The following MARCHF1 variants were observed in gnomAD, a reference collection of about 807,000 sequenced individuals.
MARCHF1 encodes membrane associated ring-CH-type finger 1, also known as E3 ubiquitin-protein ligase MARCHF1.
Under a neutral mutation model 54.2 loss-of-function variants are expected in MARCHF1, and 40 were observed. The ratio of observed to expected loss-of-function variants is 0.74; its 90% CI spans 0.57 to 0.96. The LOEUF is 0.96. Ranked by LOEUF, MARCHF1 falls within the 40% of genes least tolerant of loss-of-function variation. The pLI is 0.00. For synonymous variants in MARCHF1, 236 were observed against 236.3 expected (o/e 1.00, Z 0.01); for missense variants, 586 against 656.5 (o/e 0.89, Z 1.17).
intron 4 of MARCHF1, among the ~76,000 whole-genome samples, chr4:163,738,857 T>C (rs924848397): frequency 1.1e-4 from 17 of 152,176 alleles, no homozygotes; most frequent in African/African-American, 3.9e-4. Context: ...ATCATAAATA[T>C]CCTAAATTCT....
chr4:164,008,170 G>C (rs1753337759), intron 2 of MARCHF1, among the ~76,000 whole-genome samples: 1 of 152,086 alleles, frequency 6.6e-6, no homozygotes, highest in South Asian at 2.1e-4. Flanking sequence ...AACCAATAAA[G>C]AGCAGAAGTA....
At chr4:164,374,368 G>T (rs1309513294) in intron 1 of MARCHF1, among the ~76,000 whole-genome samples, 1 of 151,768 alleles carries the variant, frequency 6.6e-6, no homozygotes, top group Non-Finnish European at 1.5e-5. Context: ...TTAAAAAGTG[G>T]GACAAAAAGC....
intron 2 of MARCHF1, among the ~76,000 whole-genome samples, chr4:164,069,220 G>A (rs1357451469): frequency 3.3e-5 from 5 of 152,212 alleles, no homozygotes; most frequent in African/African-American, 1.2e-4. Flanking sequence ...CTGTCAAAAC[G>A]GACCAATCAG....
intron 2 of MARCHF1, among the ~76,000 whole-genome samples, chr4:164,035,710 G>T (rs1753979680): frequency 1.3e-5 from 2 of 151,014 alleles, no homozygotes. Flanking sequence ...TAAGGGTACT[G>T]AAATCAAATG....
At chr4:163,896,835 G>T (rs759232665) in intron 3 of MARCHF1, among the ~76,000 whole-genome samples, 1 of 152,048 alleles carries the variant, frequency 6.6e-6, no homozygotes. Flanking sequence ...AGTCATCCAT[G>T]CTCCTCAATG....
intron 1 of MARCHF1, among the ~76,000 whole-genome samples, chr4:164,333,336 TA>T (rs1339645207): frequency 1.3e-5 from 2 of 152,210 alleles, no homozygotes; most frequent in African/African-American, 4.8e-5. Context: ...TTTTACAGAT[TA>T]AAAGTCTGTG....
intron 1 of MARCHF1, among the ~76,000 whole-genome samples, chr4:164,287,428 G>A (rs896801592): frequency 6.6e-6 from 1 of 152,110 alleles, no homozygotes; most frequent in Admixed American, 6.6e-5. Flanking sequence ...GTAAGACATC[G>A]CTCAGTTTCA....
At chr4:163,840,901 A>T (rs143413211) in intron 4 of MARCHF1, among the ~76,000 whole-genome samples, 1 of 152,134 alleles carries the variant, frequency 6.6e-6, no homozygotes, top group African/African-American at 2.4e-5. Context: ...ATACAACTTA[A>T]ATGGGCATAT....
At chr4:163,839,500 A>G (rs970785092) in intron 4 of MARCHF1, among the ~76,000 whole-genome samples, 32 of 152,188 alleles carry the variant, frequency 2.1e-4, no homozygotes, top group African/African-American at 7.0e-4. Context: ...AATAGGTTGT[A>G]TTCATACAAC....
At chr4:163,863,777 GGTAGGA>G (rs1579350289) in intron 3 of MARCHF1, among the ~76,000 whole-genome samples, 1 of 151,884 alleles carries the variant, frequency 6.6e-6, no homozygotes, top group African/African-American at 2.4e-5. Context: ...CTGGGGCTAG[GGTAGGA>G]AAAATACAAG....
chr4:163,825,368 T>C (rs1285299276), intron 4 of MARCHF1, among the ~76,000 whole-genome samples: 2 of 152,094 alleles, frequency 1.3e-5, no homozygotes, highest in African/African-American at 4.8e-5. Context: ...GTTGGTTCCA[T>C]AGCTTTGCTG....
At chr4:164,054,467 C>T (rs1302101285) in intron 2 of MARCHF1, among the ~76,000 whole-genome samples, 3 of 152,100 alleles carry the variant, frequency 2.0e-5, no homozygotes, top group Non-Finnish European at 2.9e-5. Flanking sequence ...TATAAAGACA[C>T]ATGCACACGT....
chr4:164,219,741 G>T (rs1240671106), intron 1 of MARCHF1, among the ~76,000 whole-genome samples: 1 of 151,852 alleles, frequency 6.6e-6, no homozygotes, highest in African/African-American at 2.4e-5. Context: ...CAATGACTCG[G>T]ATCAGCTCTC....
chr4:164,212,874 C>A (rs1268013246), intron 1 of MARCHF1, among the ~76,000 whole-genome samples: 4 of 152,112 alleles, frequency 2.6e-5, no homozygotes, highest in Non-Finnish European at 2.9e-5. Context: ...TGCAATCATC[C>A]AACCAATATG....
At chr4:163,958,785 G>A (rs1403548461) in intron 3 of MARCHF1, among the ~76,000 whole-genome samples, 1 of 151,566 alleles carries the variant, frequency 6.6e-6, no homozygotes, top group Non-Finnish European at 1.5e-5. Flanking sequence ...TTTTTTCATT[G>A]TATGATGCAC....
At position 164,369,346 on chromosome 4, in the gene MARCHF1, C is replaced by T. The variant is rs1049602227; in HGVS notation, c.-323+14524G>A. Among the ~76,000 whole-genome samples the T allele has an allele frequency of 5.9e-5, 9 of 152,092 alleles. 1 individual carries two copies. The highest frequency in any genetic ancestry group is 3.3e-4 in the Admixed American group (5 of 15,256). On this transcript the variant is annotated intron_variant, in intron 1 of 9. Transcript: ENST00000514618. ...AAATAGGCATAAAGATTTGAAAAGA[C>T]GATAAGACAATTTGAAAATTGGACA...
At chr4:163,986,107 CT>C (rs940610664) in intron 3 of MARCHF1, among the ~76,000 whole-genome samples, 2 of 151,764 alleles carry the variant, frequency 1.3e-5, no homozygotes, top group Non-Finnish European at 2.9e-5. Flanking sequence ...TAAAATAAAA[CT>C]TTTAACTACA....
At chr4:163,853,679 AC>A (rs2111169370) in intron 4 of MARCHF1, among the ~76,000 whole-genome samples, 1 of 152,318 alleles carries the variant, frequency 6.6e-6, no homozygotes, top group South Asian at 2.1e-4. Context: ...ATGACTCTGT[AC>A]TTACTTTTCT....
intron 1 of MARCHF1, among the ~76,000 whole-genome samples, chr4:164,114,184 A>G (rs938741879): frequency 6.6e-6 from 1 of 152,024 alleles, no homozygotes; most frequent in Non-Finnish European, 1.5e-5. Flanking sequence ...ATCTATCCAT[A>G]TATCAATAAA....
Sources: allele counts gnomAD v4.1 joint callset (sites outside exome capture counted in the v4.1 genomes callset), GRCh38; gene constraint gnomAD v4.1.1; transcripts MANE v1.5; gene names NCBI Gene and HGNC (gene_info 2026-07-23, HGNC 2026-07-21).